The following DNAH17 variants were observed in gnomAD, a reference collection of about 807,000 sequenced individuals.
DNAH17 encodes the protein dynein axonemal heavy chain 17.
Under a neutral mutation model 485.6 loss-of-function variants are expected in DNAH17, and 376 were observed. The ratio of observed to expected loss-of-function variants is 0.77; its 90% CI spans 0.71 to 0.84. DNAH17 has a LOEUF of 0.84. Among genes scored for constraint, DNAH17 ranks in the 40% least tolerant of loss-of-function variants. The probability of loss-of-function intolerance (pLI) is 0.00; values close to 1 mark genes in which losing one functional copy is unlikely to be tolerated. For synonymous variants in DNAH17, 3,031 were observed against 2,405.9 expected (o/e 1.26, Z -7.60); for missense variants, 6,370 against 5,839.3 (o/e 1.09, Z -2.96).
At position 78,458,627 on chromosome 17, in the gene DNAH17, A is replaced by C. The variant is rs2087926480; in HGVS notation, c.9915T>G (p.Ala3305=). 4 of 1,613,924 alleles carry C rather than the reference A, an allele frequency of 2.5e-6. No individual in the cohort carries two copies. The highest frequency in any genetic ancestry group is 1.7e-5 in the Admixed American group (1 of 60,016). ...NLTSAFEKAT[A]EKIKCQQEAD... Reference sequence around the variant, plus strand: ...CCTCTTGCTGACACTTGATTTTCTCAGCTGTTGCTTTTTCAAACGCTGAGG... The same window carrying C: ...CCTCTTGCTGACACTTGATTTTCTCCGCTGTTGCTTTTTCAAACGCTGAGG... The change falls in exon 62 of 81, where the codon GCT becomes GCG. Residue 3305 remains alanine (A), a synonymous_variant. Transcript: ENST00000389840.
rs75024149 is a variant in DNAH17, at chr17:78,463,081, C to G, written c.8941-4G>C. 1 of 1,613,096 alleles carries G rather than the reference C, an allele frequency of 6.2e-7. No homozygotes were observed. The highest frequency in any genetic ancestry group is 1.3e-5 in the African/African-American group (1 of 74,882). Reference sequence around the variant, plus strand: ...TGATGGAGGCCTTGACTTCCCACTACAAAGATGAGACAGCCAGTCATCCCT... The same window carrying G: ...TGATGGAGGCCTTGACTTCCCACTAGAAAGATGAGACAGCCAGTCATCCCT... On this transcript the variant is annotated splice_region_variant and splice_polypyrimidine_tract_variant and intron_variant, in intron 56 of 80. Coordinates refer to ENST00000389840, the MANE Select transcript of DNAH17 (RefSeq NM_173628.4).
chr17:78,499,038 T>C lies in DNAH17; in HGVS notation c.5715A>G (p.Ser1905=). 1 of 1,610,754 alleles carries C rather than the reference T, an allele frequency of 6.2e-7. No individual in the cohort carries two copies. ...CGGCAATCACAGACAAGACTTCCAC[T>C]GAGATGCGATTAAACTCGTCAAAGC... The part of the protein sequence containing the change: ...WGCFDEFNRI[S]VEVLSVIAVQ... Residue 1905 remains serine, a synonymous_variant, in exon 37 of 81, where the codon TCA becomes TCG. Transcript: ENST00000389840.
In DNAH17 at chr17:78,450,903, G is replaced by A. The variant is rs974069450; in HGVS notation, c.10735-57C>T. The stretch of plus-strand genomic sequence containing the variant: ...GCCTGGCTCTGTCCACCGGGCACCC[G>A]GGCCTCCCTCAGGTGGCCATGTAGC... On this transcript the variant is annotated intron_variant, in intron 66 of 80. Transcript: ENST00000389840. The A allele has an allele frequency of 3.6e-5, 58 of 1,591,292 alleles. 2 individuals carry two copies. Among genetic ancestry groups the A allele is most frequent in the South Asian group, 2.0e-4 (18 of 89,290 alleles).
intron 2 of DNAH17, 30 bp from the exon 3 acceptor site, chr17:78,572,924 C>T (rs761148709): frequency 6.3e-7 from 1 of 1,596,964 alleles, no homozygotes; most frequent in East Asian, 2.2e-5. Context: ...TGGTTCCGCC[C>T]CCTGTGCCTT....
chr17:78,537,234 C>A, intron 19 of DNAH17, 65 bp downstream of exon 19: 1 of 1,487,834 alleles, frequency 6.7e-7, no homozygotes, highest in South Asian at 1.2e-5. Context: ...CGAGTTAGGG[C>A]GGCAACACCA....
chr17:78,447,794 C>T (rs1433551853), intron 69 of DNAH17, among the ~76,000 whole-genome samples: 1 of 152,162 alleles, frequency 6.6e-6, no homozygotes, highest in African/African-American at 2.4e-5. Context: ...GAAAGCCAGG[C>T]TTACACTGAT....
intron 14 of DNAH17, among the ~76,000 whole-genome samples, chr17:78,553,330 C>T (rs1423422721): frequency 1.0e-5 from 1 of 98,610 alleles, no homozygotes; most frequent in Admixed American, 1.4e-4. Context: ...AAGATGGAGT[C>T]TCACTCTGTC....
chr17:78,443,304 C>T (rs762573569), intron 71 of DNAH17, among the ~76,000 whole-genome samples: 7 of 152,160 alleles, frequency 4.6e-5, no homozygotes, highest in Admixed American at 2.6e-4. Flanking sequence ...CTGCGATGGC[C>T]GAGGGACCTT....
Position 78,532,529 on chromosome 17 carries a change from C to T in DNAH17, c.3067G>A (p.Asp1023Asn). 1 of 1,611,346 alleles carries T rather than the reference C, an allele frequency of 6.2e-7. No individual in the cohort carries two copies. Among genetic ancestry groups the T allele is most frequent in the Non-Finnish European group, 8.5e-7 (1 of 1,179,032 alleles). Residue 1023 changes from aspartate (D) to asparagine (N), a missense_variant, in exon 20 of 81, where the codon GAC (aspartate) becomes AAC (asparagine). Physicochemically the swap from Asp to Asn is conservative, Grantham distance 23. Coordinates refer to ENST00000389840, the MANE Select transcript of DNAH17 (RefSeq NM_173628.4). Reference protein sequence around the residue: ...TAEDLDTWTDDTIPKTPPTLA... With the variant: ...TAEDLDTWTDNTIPKTPPTLA... ...GTGGGCGGTGTCTTGGGGATGGTGT[C>T]ATCTGTCCAGGTGTCCAAGTCCTCC...
At chr17:78,553,954 A>T (rs539878065) in intron 14 of DNAH17, among the ~76,000 whole-genome samples, 77 of 152,108 alleles carry the variant, frequency 5.1e-4, no homozygotes, top group Non-Finnish European at 1.5e-4. Context: ...GTCAATCTAA[A>T]GCTCAAAATC....
intron 19 of DNAH17, among the ~76,000 whole-genome samples, chr17:78,536,742 G>A (rs9904144): frequency 0.16 from 24,620 of 150,886 alleles, 2,096 homozygotes; most frequent in African/African-American, 0.2. Context: ...TCTTGGCATC[G>A]TGTCGGGGGG....
intron 61 of DNAH17, 140 bp downstream of exon 61, chr17:78,458,861 G>A (rs1013675656): frequency 2.1e-5 from 23 of 1,091,650 alleles, no homozygotes; most frequent in South Asian, 5.6e-5. Flanking sequence ...TCTGGCCCCT[G>A]CCTCTGCCTG....
At chr17:78,539,991 A>C (rs2091478398) in intron 17 of DNAH17, 111 bp from the exon 18 acceptor site, 25 of 1,142,450 alleles carry the variant, frequency 2.2e-5, no homozygotes, top group Non-Finnish European at 2.9e-5. Context: ...CGCCGGACAC[A>C]CGGGGCTGCT....
intron 16 of DNAH17, among the ~76,000 whole-genome samples, chr17:78,549,838 A>G (rs2091858462): frequency 6.6e-6 from 1 of 152,160 alleles, no homozygotes; most frequent in African/African-American, 2.4e-5. Context: ...CAACCCTCTG[A>G]GACCCTGCAC....
In DNAH17 at chr17:78,444,790, G is replaced by A. The variant is rs767809253; in HGVS notation, c.11342C>T (p.Ser3781Leu). 7.6e-6 allele frequency: 12 copies of A among 1,572,760 alleles called. No homozygotes were observed. Among genetic ancestry groups the A allele is most frequent in the East Asian group, 2.3e-5 (1 of 44,438 alleles). Residue 3781 changes from serine to leucine, a missense_variant, in exon 71 of 81, where the codon TCG becomes TTG. Physicochemically the swap from Ser to Leu is moderately radical, Grantham distance 145 (BLOSUM62 -2). Coordinates refer to ENST00000389840, the MANE Select transcript of DNAH17 (RefSeq NM_173628.4). ...CAGATTTTTGAACTCATCCATCTCC[G>A]AGAGGGCCTAGGGGCAGAGGCAGCG... ...HQGWGGIKALSEMDEFKNLDS... is the reference protein window; with the variant it reads ...HQGWGGIKALLEMDEFKNLDS...
chr17:78,532,498 G>C lies in DNAH17; in HGVS notation c.3098C>G (p.Ala1033Gly), dbSNP rs1468988160. ...TGCACGCACCTGCTCCTGGAACTGA[G>C]CCAGGGTGGGCGGTGTCTTGGGGAT... ...DTIPKTPPTL[A>G]QFQEQIDSYE... Residue 1033 changes from alanine to glycine, a missense_variant, in exon 20 of 81, where the codon GCT (alanine) becomes GGT (glycine). Ala to Gly is a moderately conservative substitution (Grantham distance 60). Coordinates refer to ENST00000389840, the MANE Select transcript of DNAH17 (RefSeq NM_173628.4). 1 of 1,610,754 alleles carries C rather than the reference G, an allele frequency of 6.2e-7. No individual in the cohort carries two copies. The highest frequency in any genetic ancestry group is 1.3e-5 in the African/African-American group (1 of 74,866).
intron 25 of DNAH17, among the ~76,000 whole-genome samples, chr17:78,524,676 G>A (rs1446594609): frequency 6.6e-6 from 1 of 152,072 alleles, no homozygotes; most frequent in Non-Finnish European, 1.5e-5. Context: ...AACAGACTAA[G>A]TGGTATTCCT....
rs540322411 is a variant in DNAH17, at chr17:78,527,969, G to A, written c.3508-973C>T. On this transcript the variant is annotated intron_variant, in intron 22 of 80. Transcript: ENST00000389840. ...AATTTTTAAATTTTTAGTAGAGATG[G>A]GATTTTGCCATGTTGCCCAGACTGG... 7.9e-5 allele frequency among the ~76,000 whole-genome samples: 12 copies of A among 151,994 alleles called. No homozygotes were observed. The South Asian group carries it at 2.3e-3, about 29-fold the overall frequency.
At position 78,450,827 on chromosome 17, in the gene DNAH17, T is replaced by G; in HGVS notation, c.10754A>C (p.Gln3585Pro). The G allele has an allele frequency of 1.2e-6, 2 of 1,613,976 alleles. No individual in the cohort carries two copies. Among genetic ancestry groups the G allele is most frequent in the East Asian group, 4.5e-5 (2 of 44,878 alleles). ...TTTCAGAACAATCTTAAATTCGTTT[T>G]GAGACTTGGTGAGGTTTGCCTGCAA... ...EQLKANLTKS[Q>P]NEFKIVLKEL... The change falls in exon 67 of 81, where the codon CAA becomes CCA. Residue 3585 changes from glutamine to proline, a missense_variant. Gln to Pro is a moderately conservative substitution (Grantham distance 76). Transcript: ENST00000389840.
Sources: allele counts gnomAD v4.1 joint callset (sites outside exome capture counted in the v4.1 genomes callset), GRCh38; gene constraint gnomAD v4.1.1; transcripts MANE v1.5; gene names NCBI Gene and HGNC (gene_info 2026-07-23, HGNC 2026-07-21).